Variants in PPP2CB observed in about 807,000 individuals in gnomAD.
PPP2CB encodes the protein serine/threonine-protein phosphatase 2A catalytic subunit beta isoform.
A neutral mutation model predicts 39.1 loss-of-function variants in PPP2CB; 18 were observed. The ratio of observed to expected loss-of-function variants is 0.46; its 90% CI spans 0.32 to 0.68. PPP2CB has a LOEUF of 0.68. Among genes scored for constraint, PPP2CB ranks in the 30% least tolerant of loss-of-function variants. The pLI, the probability that PPP2CB is intolerant of heterozygous loss-of-function variation, is 0.04. For missense variants in PPP2CB, 226 were observed against 396.9 expected (o/e 0.57, Z 3.66); for synonymous variants, 129 against 133.8 (o/e 0.96, Z 0.25).
chr8:30,812,279 C>T (rs1235524437), intron 1 of PPP2CB, 41 bp downstream of exon 1: 4 of 1,434,574 alleles, frequency 2.8e-6, no homozygotes, highest in South Asian at 2.7e-5. Context: ...GCGGCCCGTC[C>T]CAGCCCCGCG....
intron 1 of PPP2CB, among the ~76,000 whole-genome samples, chr8:30,800,419 A>C (rs1299238028): frequency 6.6e-6 from 1 of 152,268 alleles, no homozygotes; most frequent in Non-Finnish European, 1.5e-5. Context: ...GAAAGAAAAA[A>C]GTCACAAATT....
intron 2 of PPP2CB, 77 bp from the exon 3 acceptor site, chr8:30,797,831 C>A: frequency 7.1e-7 from 1 of 1,412,566 alleles, no homozygotes. Context: ...GTCTCTGACC[C>A]ATTTTTAAAC....
At chr8:30,795,084 C>CGT (rs1806497843) in intron 3 of PPP2CB, among the ~76,000 whole-genome samples, 1 of 150,274 alleles carries the variant, frequency 6.7e-6, no homozygotes, top group South Asian at 2.1e-4. Context: ...GAGAGAATAA[C>CGT]GTAAGTTTTA....
At chr8:30,806,724 G>T (rs186412980) in intron 1 of PPP2CB, among the ~76,000 whole-genome samples, 2 of 151,920 alleles carry the variant, frequency 1.3e-5, no homozygotes, top group Non-Finnish European at 2.9e-5. Context: ...TATAACATTC[G>T]TACTGAAGAG....
intron 3 of PPP2CB, among the ~76,000 whole-genome samples, chr8:30,796,361 T>C (rs1298788497): frequency 6.6e-6 from 1 of 151,934 alleles, no homozygotes; most frequent in Non-Finnish European, 1.5e-5. Flanking sequence ...AATTATGGAG[T>C]TTTATTATAT....
chr8:30,786,917 G>A (rs1274227792), intron 6 of PPP2CB, among the ~76,000 whole-genome samples: 1 of 151,786 alleles, frequency 6.6e-6, no homozygotes, highest in Non-Finnish European at 1.5e-5. Flanking sequence ...CACCCGCTTC[G>A]GCCTCCCAAA....
In PPP2CB at chr8:30,812,716, G is replaced by A; in HGVS notation, c.-295C>T. On this transcript the variant is annotated 5_prime_UTR_variant, in exon 1 of 7. Coordinates refer to ENST00000221138, the MANE Select transcript of PPP2CB (RefSeq NM_001009552.2). ...GCGGTGAGGTGCCGGGGAGCGCGGC[G>A]CGGGTCCTCGGCCTAGCTCTCGCCG... 1 of 450,852 alleles carries A rather than the reference G, an allele frequency of 2.2e-6. No individual in the cohort carries two copies. Among genetic ancestry groups the A allele is most frequent in the Non-Finnish European group, 4.3e-6 (1 of 232,350 alleles). 27.9% of individuals were successfully genotyped at this position (450,852 alleles called of 1,614,324 possible).
In PPP2CB at chr8:30,797,588, T is replaced by A; in HGVS notation, c.479A>T (p.Asp160Val). ...AAGCACACATATACATACCTGTCCA[T>A]CTACTAAAGCTGTAAGTGGAAGATA... is the stretch of plus-strand genomic sequence containing the variant. ...FDYLPLTALV[D>V]GQIFCLHGGL... is the part of the protein sequence containing the mutation. Residue 160 changes from aspartate (D) to valine (V), a missense_variant, in exon 3 of 7, where the codon GAT becomes GTT. By Grantham distance (152) the Asp-to-Val change is radical. Coordinates refer to ENST00000221138, the MANE Select transcript of PPP2CB (RefSeq NM_001009552.2). 1 of 1,612,270 alleles carries A rather than the reference T, an allele frequency of 6.2e-7. No individual in the cohort carries two copies. The highest frequency in any genetic ancestry group is 1.7e-5 in the Admixed American group (1 of 59,874).
chr8:30,809,123 A>C (rs1420295726), intron 1 of PPP2CB, among the ~76,000 whole-genome samples: 1 of 150,400 alleles, frequency 6.6e-6, no homozygotes, highest in Non-Finnish European at 1.5e-5. Flanking sequence ...CATGTTGGCC[A>C]GGCTGGTCTT....
Position 30,808,462 on chromosome 8 carries a change from C to T in PPP2CB, c.102+3858G>A, listed in dbSNP as rs117131395. Among the ~76,000 whole-genome samples, 15 of 151,930 alleles carry T rather than the reference C, an allele frequency of 9.9e-5. No homozygotes were observed. The East Asian group carries it at 1.5e-3, about 16-fold the overall frequency. ...AATTTAAGGAAAAACCACCATCATA[C>T]GATGTAACTTCCTATAGAATAGTAT... On this transcript the variant is annotated intron_variant, in intron 1 of 6. Coordinates refer to ENST00000221138, the MANE Select transcript of PPP2CB (RefSeq NM_001009552.2).
chr8:30,807,270 A>G (rs886563533), intron 1 of PPP2CB, among the ~76,000 whole-genome samples: 3 of 152,190 alleles, frequency 2.0e-5, no homozygotes, highest in South Asian at 2.1e-4. Flanking sequence ...CAAGACCACT[A>G]TTTTTATTTT....
intron 3 of PPP2CB, among the ~76,000 whole-genome samples, chr8:30,795,024 T>G (rs1015377782): frequency 6.6e-6 from 1 of 152,238 alleles, no homozygotes; most frequent in Non-Finnish European, 1.5e-5. Flanking sequence ...TCTGTTTTGT[T>G]TTTTGTAAAC....
At position 30,812,536 on chromosome 8, in the gene PPP2CB, G is replaced by T; in HGVS notation, c.-115C>A. 2 of 642,836 alleles carry T rather than the reference G, an allele frequency of 3.1e-6. No homozygotes were observed. Among genetic ancestry groups the T allele is most frequent in the South Asian group, 3.1e-5 (1 of 32,208 alleles). 39.8% of individuals were successfully genotyped at this position (642,836 alleles called of 1,614,324 possible). The stretch of plus-strand genomic sequence containing the variant: ...GCTCCCCTCTCCCTCCGCCGCCGTC[G>T]CCAGGTCCCACAGGGGGAGGACTGA... On this transcript the variant is annotated 5_prime_UTR_variant, in exon 1 of 7. Coordinates refer to ENST00000221138, the MANE Select transcript of PPP2CB (RefSeq NM_001009552.2).
intron 6 of PPP2CB, among the ~76,000 whole-genome samples, chr8:30,789,241 G>A (rs900320073): frequency 1.3e-5 from 2 of 152,116 alleles, no homozygotes; most frequent in African/African-American, 4.8e-5. Context: ...TGTTGGTCAG[G>A]CTGGTCTTGA....
chr8:30,812,134 C>T (rs1215633893), intron 1 of PPP2CB, among the ~76,000 whole-genome samples, 186 bp downstream of exon 1: 4 of 151,986 alleles, frequency 2.6e-5, no homozygotes, highest in South Asian at 4.1e-4. Context: ...CAGGCGAGGG[C>T]AGCCCAACGC....
chr8:30,791,527 G>C (rs1023141051), intron 5 of PPP2CB: 5 of 383,420 alleles, frequency 1.3e-5, no homozygotes, highest in Non-Finnish European at 2.3e-5. Context: ...AATGCAGCTC[G>C]CTAATTGTTG....
At chr8:30,799,835 A>C (rs1806591462) in intron 1 of PPP2CB, 80 bp from the exon 2 acceptor site, 1 of 1,293,976 alleles carries the variant, frequency 7.7e-7, no homozygotes, top group Non-Finnish European at 1.1e-6. Context: ...GGGGAAAAAA[A>C]CACTTGAAAA....
At chr8:30,807,191 C>T (rs1806739710) in intron 1 of PPP2CB, among the ~76,000 whole-genome samples, 1 of 152,160 alleles carries the variant, frequency 6.6e-6, no homozygotes, top group Admixed American at 6.6e-5. Flanking sequence ...CAATGGACCA[C>T]CAAAGCTGGC....
At chr8:30,794,709 C>G (rs997806386) in intron 3 of PPP2CB, among the ~76,000 whole-genome samples, 10 of 152,148 alleles carry the variant, frequency 6.6e-5, no homozygotes, top group African/African-American at 2.4e-4. Flanking sequence ...CCCAAGCAAT[C>G]CTCCTGCCTC....
Sources: gnomAD v4.1 joint callset for allele counts (sites outside exome capture counted in the v4.1 genomes callset) on GRCh38, gnomAD v4.1.1 for gene constraint, MANE v1.5 for transcripts, NCBI Gene and HGNC (gene_info 2026-07-23, HGNC 2026-07-21) for gene names.